The following DCC variants were observed in gnomAD, a reference collection of about 807,000 sequenced individuals.
DCC encodes netrin receptor DCC.
In DCC, 58 loss-of-function variants were observed where a neutral mutation model predicts 172.5. That is an observed-to-expected ratio of 0.34 (90% confidence interval 0.27 to 0.42). The LOEUF is 0.42. DCC is among the 10% of genes least tolerant of loss of function. The pLI is 1.00. For missense variants in DCC, 1,740 were observed against 1,791.0 expected (o/e 0.97, Z 0.51); for synonymous variants, 709 against 644.5 (o/e 1.10, Z -1.52).
intron 7 of DCC, among the ~76,000 whole-genome samples, chr18:53,110,591 C>T (rs1238438689): frequency 1.3e-5 from 2 of 151,480 alleles, no homozygotes; most frequent in Non-Finnish European, 3.0e-5. Flanking sequence ...GGGCGAAGGA[C>T]ATGAACAGAC....
intron 15 of DCC, among the ~76,000 whole-genome samples, chr18:53,381,681 T>C (rs1033885013): frequency 6.6e-6 from 1 of 151,564 alleles, no homozygotes; most frequent in Non-Finnish European, 1.5e-5. Context: ...GGATTATATG[T>C]ATATTGGCAT....
At chr18:52,792,769 T>TTCCATTCCATTCCATTCCATTCC (rs368199512) in intron 2 of DCC, among the ~76,000 whole-genome samples, 1 of 134,398 alleles carries the variant, frequency 7.4e-6, no homozygotes, top group Non-Finnish European at 1.6e-5. Context: ...TATTCCATTC[T>TTCCATTCCATTCCATTCCATTCC]ATTCCATTCC....
chr18:52,981,264 A>G (rs1235666220), intron 5 of DCC, among the ~76,000 whole-genome samples: 2 of 152,174 alleles, frequency 1.3e-5, no homozygotes, highest in African/African-American at 2.4e-5. Context: ...GTTTATACCC[A>G]TAGACTCAGT....
chr18:52,814,807 A>G (rs2038262746), intron 2 of DCC, among the ~76,000 whole-genome samples: 1 of 152,206 alleles, frequency 6.6e-6, no homozygotes, highest in African/African-American at 2.4e-5. Flanking sequence ...ATTACATTGG[A>G]AAGAGCAAAT....
intron 1 of DCC, among the ~76,000 whole-genome samples, chr18:52,642,715 G>A (rs2034934167): frequency 6.6e-6 from 1 of 151,990 alleles, no homozygotes; most frequent in Non-Finnish European, 1.5e-5. Flanking sequence ...TCAGGCTGGA[G>A]TGCAATGGCA....
intron 1 of DCC, among the ~76,000 whole-genome samples, chr18:52,456,917 G>T (rs1041821785): frequency 6.6e-6 from 1 of 151,670 alleles, no homozygotes; most frequent in Non-Finnish European, 1.5e-5. Context: ...TTCCCAGAGA[G>T]AATTTATCTA....
rs1043735297 is a variant in DCC, at chr18:53,276,680, A to C, written c.1912-28898A>C. On this transcript the variant is annotated intron_variant, in intron 12 of 28. Transcript: ENST00000442544. ...GGGAAGGGTCTGAGATATATCTAGA[A>C]AGTAAAATCCAAGGGACCTCATGCC... Among the ~76,000 whole-genome samples, 3 of 152,170 alleles carry C rather than the reference A, an allele frequency of 2.0e-5. No individual in the cohort carries two copies. The South Asian group carries it at 6.2e-4, about 32-fold the overall frequency.
intron 1 of DCC, among the ~76,000 whole-genome samples, chr18:52,739,213 GC>G (rs780060578): frequency 4.2e-4 from 64 of 152,208 alleles, no homozygotes; most frequent in Middle Eastern, 6.8e-3. Flanking sequence ...ACATTATTAT[GC>G]AGCTCATGAC....
In DCC at chr18:53,000,900, T is replaced by C. The variant is rs1280855090; in HGVS notation, c.986-62405T>C. Among the ~76,000 whole-genome samples the C allele has an allele frequency of 2.6e-5, 4 of 152,088 alleles. No homozygotes were observed. In the South Asian group the frequency reaches 8.3e-4, roughly 31 times the overall value. ...GAAATGCTTATTACTCATCACTTCCTAATTACTTTTAGTACTTTTCTCTTA... is the reference window on the plus strand; with the variant it reads ...GAAATGCTTATTACTCATCACTTCCCAATTACTTTTAGTACTTTTCTCTTA... On this transcript the variant is annotated intron_variant, in intron 5 of 28. Transcript: ENST00000442544.
chr18:53,293,603 T>C (rs1373025843), intron 12 of DCC, among the ~76,000 whole-genome samples: 1 of 152,196 alleles, frequency 6.6e-6, no homozygotes, highest in Non-Finnish European at 1.5e-5. Context: ...AGTTAATTTT[T>C]CTGTTCCTCT....
chr18:53,475,050 C>G (rs956956760), intron 25 of DCC, among the ~76,000 whole-genome samples: 2 of 152,174 alleles, frequency 1.3e-5, no homozygotes, highest in Non-Finnish European at 2.9e-5. Context: ...GGGCATTTTG[C>G]CCCTGCCCTA....
chr18:52,368,819 A>T (rs181525328), intron 1 of DCC, among the ~76,000 whole-genome samples: 1 of 152,308 alleles, frequency 6.6e-6, no homozygotes, highest in Admixed American at 6.5e-5. Flanking sequence ...CAGACATTAT[A>T]CCTTGCAAAA....
chr18:52,600,937 A>G (rs2034005305), intron 1 of DCC, among the ~76,000 whole-genome samples: 1 of 152,140 alleles, frequency 6.6e-6, no homozygotes, highest in Non-Finnish European at 1.5e-5. Context: ...TATATAACCC[A>G]AAGTTATATA....
At chr18:53,515,850 A>T (rs2046327477) in intron 27 of DCC, among the ~76,000 whole-genome samples, 1 of 152,066 alleles carries the variant, frequency 6.6e-6, no homozygotes, top group Admixed American at 6.5e-5. Context: ...GGAAGAATCA[A>T]TATCGTCAAA....
At chr18:52,503,275 G>C (rs2031101519) in intron 1 of DCC, among the ~76,000 whole-genome samples, 2 of 152,068 alleles carry the variant, frequency 1.3e-5, no homozygotes, top group Admixed American at 6.6e-5. Context: ...AGAGTAAAAG[G>C]GAGCTAGTAG....
In DCC at chr18:52,861,666, A is replaced by T. The variant is rs371946071; in HGVS notation, c.413-44378A>T. ...TTAATATTCCAAACAAAAATCATTT[A>T]AAAAAAGCGTTTAAGTCCTATGTCA... On this transcript the variant is annotated intron_variant, in intron 2 of 28. Coordinates refer to ENST00000442544, the MANE Select transcript of DCC (RefSeq NM_005215.4). Among the ~76,000 whole-genome samples, 762 of 91,782 alleles carry T rather than the reference A, an allele frequency of 8.3e-3. 8 individuals carry two copies. Among genetic ancestry groups the T allele is most frequent in the African/African-American group, 0.021 (733 of 34,116 alleles). The allele number at this position is 91,782 out of a possible 152,430, so 60.2% of individuals were successfully genotyped here.
At chr18:52,773,298 T>G (rs894652451) in intron 2 of DCC, among the ~76,000 whole-genome samples, 24 of 152,298 alleles carry the variant, frequency 1.6e-4, no homozygotes, top group Non-Finnish European at 7.3e-5. Flanking sequence ...ATGAACACAT[T>G]ACAACAATTT....
intron 1 of DCC, among the ~76,000 whole-genome samples, chr18:52,650,536 C>T (rs1189481645): frequency 6.6e-6 from 1 of 151,460 alleles, no homozygotes; most frequent in Non-Finnish European, 1.5e-5. Flanking sequence ...TTTTTTTTGT[C>T]TGTTTGTTTG....
chr18:53,012,742 A>G (rs1157524432), intron 5 of DCC, among the ~76,000 whole-genome samples: 1 of 152,130 alleles, frequency 6.6e-6, no homozygotes, highest in African/African-American at 2.4e-5. Flanking sequence ...TTTTATCAGC[A>G]TTGATGAGAC....
Sources: allele counts gnomAD v4.1 joint callset (sites outside exome capture counted in the v4.1 genomes callset), GRCh38; gene constraint gnomAD v4.1.1; transcripts MANE v1.5; gene names NCBI Gene and HGNC (gene_info 2026-07-23, HGNC 2026-07-21).